The following CELF5 variants were observed in gnomAD, a reference collection of about 807,000 sequenced individuals.
The protein encoded by CELF5 is CUGBP Elav-like family member 5.
Under a neutral mutation model 54.9 loss-of-function variants are expected in CELF5, and 6 were observed. The observed-to-expected ratio is 0.11, with a 90% CI of 0.06 to 0.22. CELF5 has a LOEUF of 0.22. Ranked by LOEUF, CELF5 falls within the 10% of genes least tolerant of loss-of-function variation. CELF5 has a pLI of 1.00. For missense variants in CELF5, 401 were observed against 678.6 expected (o/e 0.59, Z 4.54); for synonymous variants, 271 against 290.9 (o/e 0.93, Z 0.70).
chr19:3,242,476 G>C (rs535532953), intron 1 of CELF5, among the ~76,000 whole-genome samples: 3 of 152,002 alleles, frequency 2.0e-5, no homozygotes, highest in South Asian at 2.1e-4. Flanking sequence ...TTCAAGACCA[G>C]CCTGGCCAAC....
At chr19:3,232,679 C>A (rs898570001) in intron 1 of CELF5, among the ~76,000 whole-genome samples, 1 of 152,092 alleles carries the variant, frequency 6.6e-6, no homozygotes, top group Non-Finnish European at 1.5e-5. Context: ...CAGTGCATCA[C>A]GCCTGTAATC....
In CELF5 at chr19:3,224,759, G is replaced by C. The variant is rs1169239220; in HGVS notation, c.20G>C (p.Ser7Thr). MARLTESEARRQQQQLL... is the reference protein window; with the variant it reads MARLTETEARRQQQQLL... Reference sequence around the variant, plus strand: ...CCCGCCATGGCCCGCCTGACGGAGAGCGAGGCGCGCCGGCAGCAGCAGCAG... The same window carrying C: ...CCCGCCATGGCCCGCCTGACGGAGACCGAGGCGCGCCGGCAGCAGCAGCAG... Residue 7 changes from serine to threonine, a missense_variant, in exon 1 of 13, where the codon AGC becomes ACC. Physicochemically the swap from Ser to Thr is moderately conservative, Grantham distance 58. Coordinates refer to ENST00000292672, the MANE Select transcript of CELF5 (RefSeq NM_021938.4). 11 of 1,420,986 alleles carry C rather than the reference G, an allele frequency of 7.7e-6. No homozygotes were observed. The East Asian group carries it at 3.4e-4, about 44-fold the overall frequency. 88.0% of individuals were successfully genotyped at this position (1,420,986 alleles called of 1,614,324 possible).
chr19:3,242,479 T>G (rs1334586832), intron 1 of CELF5, among the ~76,000 whole-genome samples: 1 of 151,688 alleles, frequency 6.6e-6, no homozygotes, highest in Admixed American at 6.6e-5. Flanking sequence ...AAGACCAGCC[T>G]GGCCAACATG....
In CELF5 at chr19:3,281,210, C is replaced by T; in HGVS notation, c.615C>T (p.Ser205=). ...CGCTGCCCCTGCAGGGAGCCTCCTC[C>T]AGCCTGGTGGTCAAGTTCGCCGACA... ...HGSQTMPGAS[S]SLVVKFADTD... Residue 205 remains serine, a synonymous_variant, in exon 6 of 13, where the codon TCC becomes TCT. Coordinates refer to ENST00000292672, the MANE Select transcript of CELF5 (RefSeq NM_021938.4). The surrounding 1 kb of genome is among the most constrained non-coding windows in gnomAD (Gnocchi z 6.5). The T allele has an allele frequency of 6.2e-7, 1 of 1,607,194 alleles. No homozygotes were observed. Among genetic ancestry groups the T allele is most frequent in the Non-Finnish European group, 8.5e-7 (1 of 1,178,990 alleles).
intron 12 of CELF5, chr19:3,293,824 G>C (rs2080392194): frequency 4.5e-6 from 1 of 222,076 alleles, no homozygotes; most frequent in African/African-American, 2.3e-5. Context: ...GGGTGCGGTG[G>C]GGAGGGGGTT....
intron 2 of CELF5, among the ~76,000 whole-genome samples, chr19:3,254,514 C>CAA (rs1464577144): frequency 1.3e-5 from 2 of 151,126 alleles, no homozygotes; most frequent in Non-Finnish European, 3.0e-5. Context: ...TTTACCCTTT[C>CAA]ATCCATCCAT....
At chr19:3,233,686 G>A (rs376415883) in intron 1 of CELF5, among the ~76,000 whole-genome samples, 4 of 152,136 alleles carry the variant, frequency 2.6e-5, no homozygotes, top group African/African-American at 7.2e-5. Flanking sequence ...GGGGAGAGAG[G>A]GAGGAGAAGA....
chr19:3,284,740 C>T (rs2080205543), intron 8 of CELF5, 162 bp from the exon 9 acceptor site: 1 of 652,228 alleles, frequency 1.5e-6, no homozygotes, highest in Non-Finnish European at 2.8e-6. Context: ...GTGCAAGTGG[C>T]TTCACCTTCC....
In CELF5 at chr19:3,275,861, C is replaced by A; in HGVS notation, c.400C>A (p.Arg134=). The A allele has an allele frequency of 6.2e-7, 1 of 1,609,798 alleles. No homozygotes were observed. The highest frequency in any genetic ancestry group is 2.2e-5 in the East Asian group (1 of 44,712). ...ADSESRGGRD[R]KLFVGMLNKQ... ...GTGGGTGTCGCCGCCCACAGGGGAC[C>A]GGAAGCTGTTCGTGGGGATGCTGAA... Residue 134 remains arginine, a synonymous_variant, in exon 4 of 13, where the codon CGG becomes AGG. Coordinates refer to ENST00000292672, the MANE Select transcript of CELF5 (RefSeq NM_021938.4). This position sits in a 1 kb window ranked among gnomAD's most constrained non-coding sequence, Gnocchi z 6.7.
intron 11 of CELF5, 88 bp downstream of exon 11, chr19:3,290,462 A>G: frequency 6.9e-7 from 1 of 1,447,206 alleles, no homozygotes; most frequent in Non-Finnish European, 9.6e-7. Context: ...CGGCCTCGGG[A>G]CAGGGCTGTG....
At chr19:3,235,385 C>A (rs574985382) in intron 1 of CELF5, among the ~76,000 whole-genome samples, 1 of 151,030 alleles carries the variant, frequency 6.6e-6, no homozygotes, top group East Asian at 1.9e-4. Context: ...TTTGCTTTTT[C>A]TCCTTCCTAA....
At chr19:3,261,923 A>G (rs1029386118) in intron 2 of CELF5, among the ~76,000 whole-genome samples, 6 of 152,184 alleles carry the variant, frequency 3.9e-5, no homozygotes, top group Non-Finnish European at 7.3e-5. Context: ...GCAGTGGTGG[A>G]TAAGTTCTCT....
At chr19:3,292,822 G>C (rs2080373823) in intron 11 of CELF5, among the ~76,000 whole-genome samples, 1 of 152,140 alleles carries the variant, frequency 6.6e-6, no homozygotes, top group South Asian at 2.1e-4. Flanking sequence ...CTTGAGCCAA[G>C]GAGGTCGAGG....
intron 11 of CELF5, among the ~76,000 whole-genome samples, chr19:3,291,691 G>T (rs1024138550): frequency 6.6e-6 from 1 of 151,582 alleles, no homozygotes; most frequent in Non-Finnish European, 1.5e-5. Flanking sequence ...GCAGGACGGC[G>T]CCTGACATGT....
At chr19:3,285,442 G>A (rs1015818720) in intron 9 of CELF5, among the ~76,000 whole-genome samples, 1 of 138,832 alleles carries the variant, frequency 7.2e-6, no homozygotes, top group African/African-American at 2.7e-5. Context: ...CCCGCCCTCT[G>A]CTGCGGCCCC....
chr19:3,242,125 G>A (rs1248612534), intron 1 of CELF5, among the ~76,000 whole-genome samples: 3 of 152,206 alleles, frequency 2.0e-5, no homozygotes, highest in East Asian at 3.8e-4. Context: ...TACGGCAAGA[G>A]GCTGTGTTCT....
chr19:3,270,388 A>G lies in CELF5; in HGVS notation c.343-3484A>G, dbSNP rs537545460. Among the ~76,000 whole-genome samples the G allele has an allele frequency of 1.8e-4, 27 of 152,056 alleles. 1 individual carries two copies. The South Asian group carries it at 4.1e-3, about 23-fold the overall frequency. Reference sequence around the variant, plus strand: ...TGCACTCGGCAGAGACCTCGGTGGGACAGATGGAGAGAGGGAGCCGGGAGG... The same window carrying G: ...TGCACTCGGCAGAGACCTCGGTGGGGCAGATGGAGAGAGGGAGCCGGGAGG... On this transcript the variant is annotated intron_variant, in intron 2 of 12. Transcript: ENST00000292672.
intron 1 of CELF5, among the ~76,000 whole-genome samples, chr19:3,229,120 C>T (rs543376161): frequency 7.2e-6 from 1 of 138,928 alleles, no homozygotes; most frequent in African/African-American, 2.7e-5. Flanking sequence ...AGGCAAAGAG[C>T]ATTTATTGAA....
chr19:3,248,252 C>T lies in CELF5; in HGVS notation c.260-2733C>T, dbSNP rs1277939804. On this transcript the variant is annotated intron_variant, in intron 1 of 12. Coordinates refer to ENST00000292672, the MANE Select transcript of CELF5 (RefSeq NM_021938.4). ...CTCACTGCAGCCTCCAGCTCCTGGG[C>T]TCAAGTGATCCTCCCACCTTGGCCT... Among the ~76,000 whole-genome samples, 4 of 152,260 alleles carry T rather than the reference C, an allele frequency of 2.6e-5. No individual in the cohort carries two copies. The East Asian group carries it at 5.8e-4, about 22-fold the overall frequency.
Sources: allele counts gnomAD v4.1 joint callset (sites outside exome capture counted in the v4.1 genomes callset), GRCh38; gene constraint gnomAD v4.1.1; non-coding constraint Gnocchi (gnomAD v3.1); transcripts MANE v1.5; gene names NCBI Gene and HGNC (gene_info 2026-07-23, HGNC 2026-07-21).